Variants in CELSR3 observed in about 807,000 individuals in gnomAD.
CELSR3 encodes the protein EGF-like protein 1.
A neutral mutation model predicts 270.0 loss-of-function variants in CELSR3; 73 were observed. The ratio of observed to expected loss-of-function variants is 0.27; its 90% CI spans 0.22 to 0.33. The LOEUF (loss-of-function observed/expected upper bound fraction) is 0.33, where lower values mean the gene tolerates loss of function less well. Among genes scored for constraint, CELSR3 ranks in the 10% least tolerant of loss-of-function variants. The pLI, the probability that CELSR3 is intolerant of heterozygous loss-of-function variation, is 1.00. For missense variants in CELSR3, 3,614 were observed against 4,533.8 expected (o/e 0.80, Z 5.83); for synonymous variants, 1,780 against 1,905.4 (o/e 0.93, Z 1.71).
Position 48,661,469 on chromosome 3 carries a change from G to A in CELSR3, c.1166C>T (p.Ala389Val), listed in dbSNP as rs765017695. 25 of 1,607,496 alleles carry A rather than the reference G, an allele frequency of 1.6e-5. No homozygotes were observed. Among genetic ancestry groups the A allele is most frequent in the Non-Finnish European group, 1.9e-5 (22 of 1,177,326 alleles). ...CTCCATGCTCTCGCGGTCCAGAGCT[G>A]CCGCCGTACGGATAAGGCCGCTCTG... ...DPQSGLIRTAAALDRESMERH... is the reference protein window; with the variant it reads ...DPQSGLIRTAVALDRESMERH... The change falls in exon 1 of 35, where the codon GCA (alanine) becomes GTA (valine). Residue 389 changes from alanine to valine, a missense_variant. Physicochemically the swap from Ala to Val is moderately conservative, Grantham distance 64. Coordinates refer to ENST00000164024, the MANE Select transcript of CELSR3 (RefSeq NM_001407.3).
chr3:48,640,781 C>A lies in CELSR3; in HGVS notation c.9026-222G>T, dbSNP rs1383762327. 1.2e-5 allele frequency: 6 copies of A among 503,274 alleles called. No individual in the cohort carries two copies. Among genetic ancestry groups the A allele is most frequent in the Non-Finnish European group, 2.1e-5 (6 of 289,810 alleles). The allele number at this position is 503,274 out of a possible 1,614,324, so 31.2% of individuals were successfully genotyped here. A position where few individuals can be genotyped will look rare whatever the true frequency, so the allele number is the denominator to read the frequency against. On this transcript the variant is annotated intron_variant, in intron 33 of 34. Transcript: ENST00000164024. This position sits in a 1 kb window ranked among gnomAD's most constrained non-coding sequence, Gnocchi z 7.5. ...TCATCTTCCAGTTGTGGTCCCGGGGCAGGGGGAGGGCGGGCAGGTCTCATG... is the reference window on the plus strand; with the variant it reads ...TCATCTTCCAGTTGTGGTCCCGGGGAAGGGGGAGGGCGGGCAGGTCTCATG...
rs1401618524 is a variant in CELSR3, at chr3:48,652,121, AC to A, written c.5752-74del. The A allele has an allele frequency of 4.2e-5, 58 of 1,384,572 alleles. No individual in the cohort carries two copies. The highest frequency in any genetic ancestry group is 5.9e-5 in the South Asian group (4 of 67,316). The allele number at this position is 1,384,572 out of a possible 1,614,324, so 85.8% of individuals were successfully genotyped here. ...AGCCTCAAGTACTGCAGAGCCAGCC[AC>A]CCGGTCTGATGATCCTTGACATGCA... On this transcript the variant is annotated intron_variant, in intron 11 of 34. Transcript: ENST00000164024. This position sits in a 1 kb window ranked among gnomAD's most constrained non-coding sequence, Gnocchi z 4.3.
Position 48,645,150 on chromosome 3 carries a change from C to T in CELSR3, c.7857G>A (p.Trp2619Ter). The T allele has an allele frequency of 6.3e-7, 1 of 1,598,666 alleles. No homozygotes were observed. Among genetic ancestry groups the T allele is most frequent in the Non-Finnish European group, 8.6e-7 (1 of 1,168,398 alleles). The change falls in exon 25 of 35, where the codon TGG becomes TGA. Residue 2619 changes from tryptophan to a stop codon, truncating the protein, a stop_gained. Coordinates refer to ENST00000164024, the MANE Select transcript of CELSR3 (RefSeq NM_001407.3). LOFTEE classifies it high-confidence loss of function. The surrounding 1 kb of genome is among the most constrained non-coding windows in gnomAD (Gnocchi z 5.4). The part of the protein sequence containing the change: ...LHYFFLSTFA[W>*]LFVQGLHLYR... The stretch of plus-strand genomic sequence containing the variant: ...AGAGGTGCAGCCCCTGCACGAAGAG[C>T]CACGCGAAGGTGCTGAGGAAGAAGT...
Position 48,659,976 on chromosome 3 carries a change from C to T in CELSR3, c.2659G>A (p.Val887Met), listed in dbSNP as rs201230994. The change falls in exon 1 of 35, where the codon GTG becomes ATG. Residue 887 changes from valine to methionine, a missense_variant. Val to Met is a conservative substitution (Grantham distance 21). Coordinates refer to ENST00000164024, the MANE Select transcript of CELSR3 (RefSeq NM_001407.3). This position sits in a 1 kb window ranked among gnomAD's most constrained non-coding sequence, Gnocchi z 8.1. ...TAGGTGATACGAGCATTCTCACCCACGTCATCATCAGAGGCACTGATGACC... is the reference window on the plus strand; with the variant it reads ...TAGGTGATACGAGCATTCTCACCCATGTCATCATCAGAGGCACTGATGACC... ...IVVISASDDD[V>M]GENARITYLL... 16 of 1,614,066 alleles carry T rather than the reference C, an allele frequency of 9.9e-6. No individual in the cohort carries two copies. The highest frequency in any genetic ancestry group is 8.3e-5 in the Admixed American group (5 of 60,000).
Position 48,650,433 on chromosome 3 carries a change from A to AGGGGGGGGGGGGGCG in CELSR3, c.6472+46_6472+47insCGCCCCCCCCCCCCC. The AGGGGGGGGGGGGGCG allele has an allele frequency of 1.1e-6, 1 of 927,818 alleles. No homozygotes were observed. The highest frequency in any genetic ancestry group is 3.2e-5 in the East Asian group (1 of 31,406). The allele number at this position is 927,818 out of a possible 1,614,324, so 57.5% of individuals were successfully genotyped here. On this transcript the variant is annotated intron_variant, in intron 16 of 34. Transcript: ENST00000164024. This position sits in a 1 kb window ranked among gnomAD's most constrained non-coding sequence, Gnocchi z 5.1. The stretch of plus-strand genomic sequence containing the variant: ...GACATGGCTCTAGCAGTCAGAGTAC[A>AGGGGGGGGGGGGGCG]GGCCCACCCCCACCCTCAGTGATGT...
Position 48,659,038 on chromosome 3 carries a change from G to T in CELSR3, c.3597C>A (p.Asp1199Glu). The T allele has an allele frequency of 1.2e-6, 2 of 1,613,978 alleles. No individual in the cohort carries two copies. Among genetic ancestry groups the T allele is most frequent in the Non-Finnish European group, 1.7e-6 (2 of 1,179,980 alleles). The change falls in exon 1 of 35, where the codon GAC (aspartate) becomes GAA (glutamate). Residue 1199 changes from aspartate (D) to glutamate (E), a missense_variant. Coordinates refer to ENST00000164024, the MANE Select transcript of CELSR3 (RefSeq NM_001407.3). This position sits in a 1 kb window ranked among gnomAD's most constrained non-coding sequence, Gnocchi z 8.1. ...SGIIGRIPAY[D>E]PDVSDHLFYS... ...AGAAGAGGTGGTCGGAGACATCGGG[G>T]TCATAAGCTGGGATGCGCCCAATAA...
Position 48,641,579 on chromosome 3 carries a change from A to C in CELSR3, c.8825-55T>G. ...TCTGGGTTGATCCCAGTGACTCATGACCCCTGACCCTAATGACCCTTGAAA... is the reference window on the plus strand; with the variant it reads ...TCTGGGTTGATCCCAGTGACTCATGCCCCCTGACCCTAATGACCCTTGAAA... On this transcript the variant is annotated intron_variant, in intron 32 of 34. Transcript: ENST00000164024. This position sits in a 1 kb window ranked among gnomAD's most constrained non-coding sequence, Gnocchi z 4.8. 7.6e-7 allele frequency: 1 copy of C among 1,319,064 alleles called. No individual in the cohort carries two copies. The highest frequency in any genetic ancestry group is 1.1e-6 in the Non-Finnish European group (1 of 923,320). 81.7% of individuals were successfully genotyped at this position (1,319,064 alleles called of 1,614,324 possible).
chr3:48,652,934 G>T lies in CELSR3; in HGVS notation c.5634+68C>A. 7.6e-7 allele frequency: 1 copy of T among 1,314,028 alleles called. No individual in the cohort carries two copies. The highest frequency in any genetic ancestry group is 1.1e-6 in the Non-Finnish European group (1 of 921,282). The allele number at this position is 1,314,028 out of a possible 1,614,324, so 81.4% of individuals were successfully genotyped here. A position where few individuals can be genotyped will look rare whatever the true frequency, so the allele number is the denominator to read the frequency against. ...GGAACTGAGAGGAGCTGGACTAGAG[G>T]TGGGGTCAAATAAGGCGGATCTGGT... On this transcript the variant is annotated intron_variant, in intron 10 of 34. Transcript: ENST00000164024. This position sits in a 1 kb window ranked among gnomAD's most constrained non-coding sequence, Gnocchi z 4.3.
Position 48,644,552 on chromosome 3 carries a change from G to A in CELSR3, c.8085+164C>T, listed in dbSNP as rs772304626. Among the ~76,000 whole-genome samples, 1 of 152,104 alleles carries A rather than the reference G, an allele frequency of 6.6e-6. No individual in the cohort carries two copies. Among genetic ancestry groups the A allele is most frequent in the Non-Finnish European group, 1.5e-5 (1 of 68,008 alleles). On this transcript the variant is annotated intron_variant, in intron 26 of 34. Coordinates refer to ENST00000164024, the MANE Select transcript of CELSR3 (RefSeq NM_001407.3). The surrounding 1 kb of genome is among the most constrained non-coding windows in gnomAD (Gnocchi z 4.8). The stretch of plus-strand genomic sequence containing the variant: ...TCTGACCCCGCGCCCCCATCTCCAT[G>A]CCAGTTGAATGGGGGTGGCTACTGA...
chr3:48,658,488 A>G lies in CELSR3; in HGVS notation c.3748+399T>C, dbSNP rs1005827636. Among the ~76,000 whole-genome samples, 5 of 152,182 alleles carry G rather than the reference A, an allele frequency of 3.3e-5. No homozygotes were observed. The East Asian group carries it at 9.6e-4, about 29-fold the overall frequency. On this transcript the variant is annotated intron_variant, in intron 1 of 34. Transcript: ENST00000164024. The surrounding 1 kb of genome is among the most constrained non-coding windows in gnomAD (Gnocchi z 4.7). ...TGGTCATTTCCTGCACAGATAGGGTAAGCGTCAGACTGGACCCAAAGTAAC... is the reference window on the plus strand; with the variant it reads ...TGGTCATTTCCTGCACAGATAGGGTGAGCGTCAGACTGGACCCAAAGTAAC...
chr3:48,643,419 TG>T, intron 28 of CELSR3, 134 bp downstream of exon 28: 1 of 1,246,342 alleles, frequency 8.0e-7, no homozygotes, highest in Non-Finnish European at 1.1e-6. Context: ...GTGTCTGGTC[TG>T]GGGTAGTACC....
rs757740052 is a variant in CELSR3 at position 48,645,784 on chromosome 3, C to G, written c.7548G>C (p.Arg2516=). 36 of 1,611,876 alleles carry G rather than the reference C, an allele frequency of 2.2e-5. No individual in the cohort carries two copies. The South Asian group carries it at 3.8e-4, about 17-fold the overall frequency. ...CCATGAGGACCCCAAAGGTCCCTGTCCGGCTGCAGCGACACCGTGCGTGGG... is the reference window on the plus strand; with the variant it reads ...CCATGAGGACCCCAAAGGTCCCTGTGCGGCTGCAGCGACACCGTGCGTGGG... ...NGSHARCRCS[R]TGTFGVLMDA... The change falls in exon 23 of 35, where the codon CGG becomes CGC. Residue 2516 remains arginine, a synonymous_variant. Coordinates refer to ENST00000164024, the MANE Select transcript of CELSR3 (RefSeq NM_001407.3). The surrounding 1 kb of genome is among the most constrained non-coding windows in gnomAD (Gnocchi z 5.4).
chr3:48,648,421 G>T lies in CELSR3; in HGVS notation c.6818C>A (p.Thr2273Lys). ...WAGSALLAPE[T>K]GDLWAALGQR... is the part of the protein sequence containing the mutation. ...CCCCAGCGCCGCCCACAAGTCCCCT[G>T]TCTCTGGGGCAAGCAGTGCAGAGCC... The change falls in exon 19 of 35, where the codon ACA (threonine) becomes AAA (lysine). Residue 2273 changes from threonine to lysine, a missense_variant. This residue lies in a region of CELSR3 where 1,331 missense variants were observed against 1,933.7 expected (regional missense o/e 0.69). Transcript: ENST00000164024. 1 of 1,602,062 alleles carries T rather than the reference G, an allele frequency of 6.2e-7. No individual in the cohort carries two copies. The highest frequency in any genetic ancestry group is 2.2e-5 in the East Asian group (1 of 44,488).
chr3:48,650,843 C>T lies in CELSR3; in HGVS notation c.6370+49G>A. 6.3e-7 allele frequency: 1 copy of T among 1,575,442 alleles called. No homozygotes were observed. The highest frequency in any genetic ancestry group is 1.2e-5 in the South Asian group (1 of 86,474). ...GTGTGCCACTGACACGTGATGGTGG[C>T]ACACTGGAACCAGCCCTCTATGGGT... On this transcript the variant is annotated intron_variant, in intron 15 of 34. Coordinates refer to ENST00000164024, the MANE Select transcript of CELSR3 (RefSeq NM_001407.3). This position sits in a 1 kb window ranked among gnomAD's most constrained non-coding sequence, Gnocchi z 5.1.
Position 48,642,780 on chromosome 3 carries a change from G to A in CELSR3, c.8511C>T (p.Gly2837=). 6.2e-7 allele frequency: 1 copy of A among 1,612,610 alleles called. No individual in the cohort carries two copies. The highest frequency in any genetic ancestry group is 8.5e-7 in the Non-Finnish European group (1 of 1,179,884). Reference sequence around the variant, plus strand: ...GCTGGCTGTCCTGGTCCTGGGTCCGGCCGGAGCGGGCACTGCTCACAGAGG... The same window carrying A: ...GCTGGCTGTCCTGGTCCTGGGTCCGACCGGAGCGGGCACTGCTCACAGAGG... The part of the protein sequence containing the change: ...TVSSVSSARS[G]RTQDQDSQRG... The change falls in exon 30 of 35, where the codon GGC becomes GGT. Residue 2837 remains glycine, a synonymous_variant. Coordinates refer to ENST00000164024, the MANE Select transcript of CELSR3 (RefSeq NM_001407.3). This position sits in a 1 kb window ranked among gnomAD's most constrained non-coding sequence, Gnocchi z 6.1.
Position 48,644,633 on chromosome 3 carries a change from A to T in CELSR3, c.8085+83T>A. 8.9e-7 allele frequency: 1 copy of T among 1,121,298 alleles called. No individual in the cohort carries two copies. Among genetic ancestry groups the T allele is most frequent in the South Asian group, 1.3e-5 (1 of 75,052 alleles). 69.5% of individuals were successfully genotyped at this position (1,121,298 alleles called of 1,614,324 possible). Reference sequence around the variant, plus strand: ...CAGGAAGCCTGCAGAATGCCACCTGACCGCCCTCAGCTGAGTCCACTGCAC... The same window carrying T: ...CAGGAAGCCTGCAGAATGCCACCTGTCCGCCCTCAGCTGAGTCCACTGCAC... On this transcript the variant is annotated intron_variant, in intron 26 of 34. Transcript: ENST00000164024. The surrounding 1 kb of genome is among the most constrained non-coding windows in gnomAD (Gnocchi z 4.8).
rs747348369 is a variant in CELSR3, at chr3:48,646,827, G to A, written c.7231C>T (p.Leu2411Phe). The part of the protein sequence containing the change: ...PEPGISIIIL[L>F]VYRTLGGLLP... The stretch of plus-strand genomic sequence containing the variant: ...AGTCCCCCTAAGGTGCGGTAAACGA[G>A]GAGAATGATAATGGAGATCCCAGGC... The change falls in exon 21 of 35, where the codon CTC becomes TTC. Residue 2411 changes from leucine (L) to phenylalanine (F), a missense_variant. Physicochemically the swap from Leu to Phe is conservative, Grantham distance 22. Coordinates refer to ENST00000164024, the MANE Select transcript of CELSR3 (RefSeq NM_001407.3). This position sits in a 1 kb window ranked among gnomAD's most constrained non-coding sequence, Gnocchi z 4.8. The A allele has an allele frequency of 1.2e-6, 2 of 1,605,870 alleles. No homozygotes were observed. Among genetic ancestry groups the A allele is most frequent in the South Asian group, 2.2e-5 (2 of 90,394 alleles).
In CELSR3 at chr3:48,656,960, G is replaced by A. The variant is rs61729236; in HGVS notation, c.4137C>T (p.Cys1379=). Reference sequence around the variant, plus strand: ...TGTAGTTCTCACAGGGCTCTCGCAGGCACACGTTGTCGTCGAAGGGCAGTA... The same window carrying A: ...TGTAGTTCTCACAGGGCTCTCGCAGACACACGTTGTCGTCGAAGGGCAGTA... ...LDVLPFDDNV[C]LREPCENYMK... is the part of the protein sequence containing the mutation. Residue 1379 remains cysteine (C), a synonymous_variant, in exon 2 of 35, where the codon TGC becomes TGT. Transcript: ENST00000164024. 2 of 1,612,906 alleles carry A rather than the reference G, an allele frequency of 1.2e-6. No homozygotes were observed. The highest frequency in any genetic ancestry group is 1.6e-4 in the Middle Eastern group (1 of 6,062).
Position 48,644,967 on chromosome 3 carries a change from G to A in CELSR3, c.7972+68C>T, listed in dbSNP as rs2106702496. The A allele has an allele frequency of 6.5e-7, 1 of 1,544,256 alleles. No homozygotes were observed. The highest frequency in any genetic ancestry group is 2.3e-5 in the East Asian group (1 of 44,022). On this transcript the variant is annotated intron_variant, in intron 25 of 34. Coordinates refer to ENST00000164024, the MANE Select transcript of CELSR3 (RefSeq NM_001407.3). The surrounding 1 kb of genome is among the most constrained non-coding windows in gnomAD (Gnocchi z 4.8). Reference sequence around the variant, plus strand: ...TGGGGTTTGAGGTTGGGGGTCATGAGCAGGAGTGGGGACAGGGTCAGGGGT... The same window carrying A: ...TGGGGTTTGAGGTTGGGGGTCATGAACAGGAGTGGGGACAGGGTCAGGGGT...
Sources: allele counts gnomAD v4.1 joint callset (sites outside exome capture counted in the v4.1 genomes callset), GRCh38; gene constraint gnomAD v4.1.1; regional missense constraint gnomAD v4.1.1; non-coding constraint Gnocchi (gnomAD v3.1); transcripts MANE v1.5; gene names NCBI Gene and HGNC (gene_info 2026-07-23, HGNC 2026-07-21).